The following ANKS1A variants were observed in gnomAD, a reference collection of about 807,000 sequenced individuals.
ANKS1A encodes the protein ankyrin repeat and sterile alpha motif domain containing 1A.
A neutral mutation model predicts 120.3 loss-of-function variants in ANKS1A; 55 were observed. The observed-to-expected ratio is 0.46, with a 90% CI of 0.37 to 0.57. The LOEUF (loss-of-function observed/expected upper bound fraction) is 0.57. ANKS1A is among the 20% of genes least tolerant of loss of function. The pLI, the probability that ANKS1A is intolerant of heterozygous loss-of-function variation, is 0.00. For synonymous variants in ANKS1A, 590 were observed against 604.7 expected (o/e 0.98, Z 0.36); for missense variants, 1,123 against 1,480.3 (o/e 0.76, Z 3.96).
At position 34,908,455 on chromosome 6, in the gene ANKS1A, T is replaced by C. The variant is rs140275815; in HGVS notation, c.197+18856T>C. Among the ~76,000 whole-genome samples the C allele has an allele frequency of 7.3e-3, 1,114 of 152,316 alleles. 20 individuals are homozygous for C. Among genetic ancestry groups the C allele is most frequent in the African/African-American group, 0.025 (1,058 of 41,564 alleles). ...GTCATGGGATTGGATGCTGGCTTGA[T>C]AGAGTCTAAGACCTTGTGTCTAGGC... On this transcript the variant is annotated intron_variant, in intron 1 of 23. Transcript: ENST00000360359.
intron 1 of ANKS1A, among the ~76,000 whole-genome samples, chr6:34,946,734 C>T (rs1769818139): frequency 6.6e-6 from 1 of 152,148 alleles, no homozygotes; most frequent in Non-Finnish European, 1.5e-5. Context: ...CCTAAATTTT[C>T]ACCAGTAATT....
rs566775244 is a variant in ANKS1A, at chr6:34,892,930, C to A, written c.197+3331C>A. 3.3e-5 allele frequency among the ~76,000 whole-genome samples: 5 copies of A among 152,282 alleles called. No individual in the cohort carries two copies. In the East Asian group the frequency reaches 5.8e-4, roughly 18 times the overall value. On this transcript the variant is annotated intron_variant, in intron 1 of 23. Transcript: ENST00000360359. ...TGTTACAAACTTTGTGTTCTTCTAG[C>A]CTTCCTTATTTACTGGATATTTATT...
chr6:34,986,034 G>A (rs1270396903), intron 8 of ANKS1A, among the ~76,000 whole-genome samples: 1 of 152,202 alleles, frequency 6.6e-6, no homozygotes, highest in Non-Finnish European at 1.5e-5. Flanking sequence ...GCTTAGCCTA[G>A]CCTAGGTTAA....
At chr6:35,094,683 G>A (rs367727397), downstream of ANKS1A, among the ~76,000 whole-genome samples, 5 of 152,030 alleles carry the variant, frequency 3.3e-5, no homozygotes, top group African/African-American at 1.2e-4. Context: ...GGATGGGAAA[G>A]GAAAGAATGC....
chr6:35,063,175 G>A (rs977786807), intron 13 of ANKS1A, among the ~76,000 whole-genome samples: 29 of 152,340 alleles, frequency 1.9e-4, no homozygotes, highest in African/African-American at 5.1e-4. Flanking sequence ...GACACCAGAC[G>A]CAGGGAGAGA....
chr6:34,894,064 C>G (rs1308344517), intron 1 of ANKS1A, among the ~76,000 whole-genome samples: 1 of 152,164 alleles, frequency 6.6e-6, no homozygotes, highest in African/African-American at 2.4e-5. Flanking sequence ...ATGGATTATA[C>G]TTTATATAAT....
intron 19 of ANKS1A, 34 bp downstream of exon 19, chr6:35,083,260 G>A: frequency 1.2e-6 from 2 of 1,613,334 alleles, no homozygotes; most frequent in Non-Finnish European, 1.7e-6. Context: ...GGGCGCTGTG[G>A]GACTGGCCAG....
At chr6:34,941,415 C>T (rs1031325319) in intron 1 of ANKS1A, among the ~76,000 whole-genome samples, 10 of 151,578 alleles carry the variant, frequency 6.6e-5, no homozygotes, top group African/African-American at 1.2e-4. Context: ...GTGTCTCTAA[C>T]GCTTAATATA....
At chr6:34,951,948 T>C (rs901668756) in intron 1 of ANKS1A, among the ~76,000 whole-genome samples, 1 of 151,892 alleles carries the variant, frequency 6.6e-6, no homozygotes, top group Non-Finnish European at 1.5e-5. Context: ...CAAGACAGGA[T>C]GAATGAGGAG....
intron 16 of ANKS1A, among the ~76,000 whole-genome samples, chr6:35,080,666 T>C (rs915167045): frequency 1.6e-4 from 24 of 152,164 alleles, no homozygotes; most frequent in Non-Finnish European, 1.0e-4. Flanking sequence ...TTGGGGACGG[T>C]GGCTTTAGGG....
At position 35,090,404 on chromosome 6, in the gene ANKS1A, C is replaced by T. The variant is rs1406417261; in HGVS notation, c.*1795C>T. 24 of 1,208,318 alleles carry T rather than the reference C, an allele frequency of 2.0e-5. No individual in the cohort carries two copies. The highest frequency in any genetic ancestry group is 6.4e-5 in the African/African-American group (4 of 62,524). The allele number at this position is 1,208,318 out of a possible 1,614,324, so 74.8% of individuals were successfully genotyped here. A position where few individuals can be genotyped will look rare whatever the true frequency, so the allele number is the denominator to read the frequency against. ...CATCCAAGTGGGCCTCTGTCGGGGG[C>T]GGGGCGGTAGGTCCGAAAGAAACCG... On this transcript the variant is annotated 3_prime_UTR_variant, in exon 24 of 24. Transcript: ENST00000360359.
Position 35,086,993 on chromosome 6 carries a change from C to T in ANKS1A, c.3345C>T (p.Ala1115=), listed in dbSNP as rs1778025917. 6.2e-7 allele frequency: 1 copy of T among 1,614,094 alleles called. No individual in the cohort carries two copies. Among genetic ancestry groups the T allele is most frequent in the Non-Finnish European group, 8.5e-7 (1 of 1,180,028 alleles). The change falls in exon 23 of 24, where the codon GCC becomes GCT. Residue 1115 remains alanine (A), a synonymous_variant. Coordinates refer to ENST00000360359, the MANE Select transcript of ANKS1A (RefSeq NM_015245.3). The surrounding 1 kb of genome is among the most constrained non-coding windows in gnomAD (Gnocchi z 5.1). The part of the protein sequence containing the change: ...PDMDQDAQSH[A]SVSWVVDPKP... ...TGGACCAAGATGCCCAATCCCATGC[C>T]AGTGTCTCCTGGGTTGTGGACCCCA...
At chr6:34,891,270 A>C (rs1766809793) in intron 1 of ANKS1A, among the ~76,000 whole-genome samples, 1 of 152,234 alleles carries the variant, frequency 6.6e-6, no homozygotes, top group South Asian at 2.1e-4. Context: ...CAACAGGAGA[A>C]GAACTTCCTG....
chr6:34,903,821 C>T (rs1364610538), intron 1 of ANKS1A, among the ~76,000 whole-genome samples: 1 of 151,140 alleles, frequency 6.6e-6, no homozygotes, highest in Non-Finnish European at 1.5e-5. Context: ...AGCCCATCTG[C>T]CTAATTTTTA....
intron 11 of ANKS1A, among the ~76,000 whole-genome samples, chr6:35,021,963 G>A (rs1774364228): frequency 6.6e-6 from 1 of 151,240 alleles, no homozygotes; most frequent in Non-Finnish European, 1.5e-5. Context: ...CTCAGCCTGA[G>A]CGACACAGTG....
Position 35,090,114 on chromosome 6 carries a change from T to G in ANKS1A, c.*1505T>G. The G allele has an allele frequency of 7.8e-7, 1 of 1,289,272 alleles. No individual in the cohort carries two copies. Among genetic ancestry groups the G allele is most frequent in the Non-Finnish European group, 1.0e-6 (1 of 988,756 alleles). 79.9% of individuals were successfully genotyped at this position (1,289,272 alleles called of 1,614,324 possible). ...TTCTATCTGCTAAGCACCCAGCAGG[T>G]TGGGGCCTGGGACTCAGCTCTCTCT... On this transcript the variant is annotated 3_prime_UTR_variant, in exon 24 of 24. Coordinates refer to ENST00000360359, the MANE Select transcript of ANKS1A (RefSeq NM_015245.3).
At chr6:35,025,501 G>A (rs1774577761) in intron 11 of ANKS1A, among the ~76,000 whole-genome samples, 1 of 152,104 alleles carries the variant, frequency 6.6e-6, no homozygotes, top group East Asian at 1.9e-4. Context: ...GCTGGAAAGC[G>A]GGGTTGGGGG....
chr6:34,977,799 G>A (rs567344583), intron 3 of ANKS1A, among the ~76,000 whole-genome samples: 1 of 152,132 alleles, frequency 6.6e-6, no homozygotes, highest in Non-Finnish European at 1.5e-5. Context: ...TGTTTTTCTA[G>A]GGCCTGTACT....
intron 10 of ANKS1A, among the ~76,000 whole-genome samples, chr6:35,002,291 G>A (rs1343963880): frequency 3.3e-5 from 5 of 151,898 alleles, no homozygotes; most frequent in African/African-American, 1.2e-4. Flanking sequence ...GTGGATGGGA[G>A]CAGCTTCACC....
Sources: allele counts gnomAD v4.1 joint callset (sites outside exome capture counted in the v4.1 genomes callset), GRCh38; gene constraint gnomAD v4.1.1; non-coding constraint Gnocchi (gnomAD v3.1); transcripts MANE v1.5; gene names NCBI Gene and HGNC (gene_info 2026-07-23, HGNC 2026-07-21).